The following SPEG variants were observed in gnomAD, a reference collection of about 807,000 sequenced individuals.
SPEG encodes striated muscle enriched protein kinase, also known as striated muscle preferentially expressed protein kinase.
Under a neutral mutation model 300.4 loss-of-function variants are expected in SPEG, and 114 were observed. The ratio of observed to expected loss-of-function variants is 0.38; its 90% CI spans 0.33 to 0.44. The LOEUF is 0.44. SPEG is among the 20% of genes least tolerant of loss of function. The pLI is 1.00. For missense variants in SPEG, 4,201 were observed against 4,586.2 expected, an observed-to-expected ratio of 0.92 and a Z score of 2.43; for synonymous variants, 1,964 against 2,018.9, an observed-to-expected ratio of 0.97 and a Z score of 0.73.
chr2:219,473,379 C>A lies in SPEG; in HGVS notation c.4148-125C>A. 9.9e-7 allele frequency: 1 copy of A among 1,012,684 alleles called. No individual in the cohort carries two copies. The highest frequency in any genetic ancestry group is 1.5e-6 in the Non-Finnish European group (1 of 675,406). 62.7% of individuals were successfully genotyped at this position (1,012,684 alleles called of 1,614,324 possible). ...TCCCCTGACAAATCGCTAAACCTCT[C>A]TGAGCTTCAGCTTTCCCATCTGTAA... On this transcript the variant is annotated intron_variant, in intron 16 of 40. Coordinates refer to ENST00000312358, the MANE Select transcript of SPEG (RefSeq NM_005876.5). The surrounding 1 kb of genome is among the most constrained non-coding windows in gnomAD (Gnocchi z 4.6).
intron 9 of SPEG, chr2:219,465,968 C>T (rs79735608): frequency 6.7e-5 from 76 of 1,131,286 alleles, no homozygotes; most frequent in East Asian, 2.0e-4. Context: ...CGTGTGCATG[C>T]GTGTGTGTGC....
Position 219,473,589 on chromosome 2 carries a change from CA to C in SPEG, c.4234del (p.Thr1412HisfsTer19). On this transcript the variant is annotated frameshift_variant, in exon 17 of 41. Coordinates refer to ENST00000312358, the MANE Select transcript of SPEG (RefSeq NM_005876.5). LOFTEE classifies it high-confidence loss of function. The surrounding 1 kb of genome is among the most constrained non-coding windows in gnomAD (Gnocchi z 4.6). ...VEGQPASVTVTFNHVEAQVVW... is the reference protein window; with the variant it reads ...VEGQPASVTVXFNHVEAQVVW... ...AGGGACAGCCTGCCAGCGTCACCGTCACATTCAACCATGTGGAGGCCCAGGT... is the reference window on the plus strand; with the variant it reads ...AGGGACAGCCTGCCAGCGTCACCGTCCATTCAACCATGTGGAGGCCCAGGT... 1 of 1,614,232 alleles carries C rather than the reference CA, an allele frequency of 6.2e-7. No individual in the cohort carries two copies. The highest frequency in any genetic ancestry group is 8.5e-7 in the Non-Finnish European group (1 of 1,180,044).
intron 3 of SPEG, among the ~76,000 whole-genome samples, chr2:219,446,531 C>T (rs1448737960): frequency 1.3e-5 from 2 of 152,162 alleles, no homozygotes; most frequent in Admixed American, 1.3e-4. Context: ...TTGCCACCAC[C>T]CCTTTTAGCC....
At chr2:219,467,688 A>T (rs1691498931) in intron 10 of SPEG, among the ~76,000 whole-genome samples, 1 of 152,266 alleles carries the variant, frequency 6.6e-6, no homozygotes, top group Non-Finnish European at 1.5e-5. Flanking sequence ...GTGGGTTCCC[A>T]CGCCTGCCCT....
Position 219,443,378 on chromosome 2 carries a change from G to A in SPEG, c.389-1275G>A. 1 of 587,434 alleles carries A rather than the reference G, an allele frequency of 1.7e-6. No individual in the cohort carries two copies. The highest frequency in any genetic ancestry group is 2.8e-5 in the Admixed American group (1 of 35,840). The allele number at this position is 587,434 out of a possible 1,614,324, so 36.4% of individuals were successfully genotyped here. A position where few individuals can be genotyped will look rare whatever the true frequency, so the allele number is the denominator to read the frequency against. On this transcript the variant is annotated intron_variant, in intron 1 of 40. Coordinates refer to ENST00000312358, the MANE Select transcript of SPEG (RefSeq NM_005876.5). The surrounding 1 kb of genome is among the most constrained non-coding windows in gnomAD (Gnocchi z 4.6). ...TCACTAGCACACCCCTGCATGGACT[G>A]GGTGCCCTGTTCTCCATGTGAGGCC...
Position 219,464,384 on chromosome 2 carries a change from G to A in SPEG, c.2706-49G>A, listed in dbSNP as rs77940939. The A allele has an allele frequency of 1.0e-2, 15,543 of 1,558,704 alleles. 128 individuals are homozygous for A. Among genetic ancestry groups the A allele is most frequent in the South Asian group, 0.021 (1,792 of 85,462 alleles). The stretch of plus-strand genomic sequence containing the variant: ...TGCTGCAGCCCCAGTTCCTGTGCAC[G>A]CACATCAGGCCCCTGGGCCCTGGGA... On this transcript the variant is annotated intron_variant, in intron 8 of 40. Transcript: ENST00000312358. The surrounding 1 kb of genome is among the most constrained non-coding windows in gnomAD (Gnocchi z 4.5).
chr2:219,489,368 G>A lies in SPEG; in HGVS notation c.8350G>A (p.Glu2784Lys), dbSNP rs776716559. The change falls in exon 36 of 41, where the codon GAG becomes AAG. Residue 2784 changes from glutamate (E) to lysine (K), a missense_variant. Coordinates refer to ENST00000312358, the MANE Select transcript of SPEG (RefSeq NM_005876.5). Reference protein sequence around the residue: ...SSAVPSAAHQEAPVTSRPARA... With the variant: ...SSAVPSAAHQKAPVTSRPARA... ...AGCTGTGCCATCTGCTGCCCACCAA[G>A]AGGCCCCTGTCACCTCAAGGCCAGC... is the stretch of plus-strand genomic sequence containing the variant. 41 of 1,613,364 alleles carry A rather than the reference G, an allele frequency of 2.5e-5. No individual in the cohort carries two copies. The highest frequency in any genetic ancestry group is 2.9e-5 in the Non-Finnish European group (34 of 1,179,862).
At position 219,477,216 on chromosome 2, in the gene SPEG, C is replaced by CGGGGCCTGGGACAGCGGCT; in HGVS notation, c.4561-61_4561-60insGGGGCCTGGGACAGCGGCT. ...GCGCTGCCCAGAGTAGGAGATGAGG[C>CGGGGCCTGGGACAGCGGCT]CCTGGCCCCAAGGTAGAGATGAGGC... is the stretch of plus-strand genomic sequence containing the variant. On this transcript the variant is annotated intron_variant, in intron 19 of 40. Coordinates refer to ENST00000312358, the MANE Select transcript of SPEG (RefSeq NM_005876.5). This position sits in a 1 kb window ranked among gnomAD's most constrained non-coding sequence, Gnocchi z 6.4. The CGGGGCCTGGGACAGCGGCT allele has an allele frequency of 6.8e-7, 1 of 1,467,326 alleles. No individual in the cohort carries two copies. Among genetic ancestry groups the CGGGGCCTGGGACAGCGGCT allele is most frequent in the Non-Finnish European group, 9.2e-7 (1 of 1,088,648 alleles). The allele number at this position is 1,467,326 out of a possible 1,614,324, so 90.9% of individuals were successfully genotyped here. A position where few individuals can be genotyped will look rare whatever the true frequency, so the allele number is the denominator to read the frequency against.
At position 219,492,158 on chromosome 2, in the gene SPEG, A is replaced by C. The variant is rs1289152850; in HGVS notation, c.9509A>C (p.Glu3170Ala). The part of the protein sequence containing the change: ...PFYEPDPQET[E>A]ARIVGGRFDA... Reference sequence around the variant, plus strand: ...TATGAGCCAGACCCCCAGGAAACGGAGGCTCGGATTGTGGGGGGCCGCTTT... The same window carrying C: ...TATGAGCCAGACCCCCAGGAAACGGCGGCTCGGATTGTGGGGGGCCGCTTT... The change falls in exon 40 of 41, where the codon GAG (glutamate) becomes GCG (alanine). Residue 3170 changes from glutamate to alanine, a missense_variant. By Grantham distance (107) the Glu-to-Ala change is moderately radical (BLOSUM62 -1). This residue lies in a region of SPEG where 318 missense variants were observed against 429.5 expected (regional missense o/e 0.74). Transcript: ENST00000312358. 1 of 1,613,592 alleles carries C rather than the reference A, an allele frequency of 6.2e-7. No individual in the cohort carries two copies. Among genetic ancestry groups the C allele is most frequent in the Non-Finnish European group, 8.5e-7 (1 of 1,179,874 alleles).
chr2:219,447,432 C>T (rs1689387672), intron 3 of SPEG, among the ~76,000 whole-genome samples: 2 of 152,130 alleles, frequency 1.3e-5, no homozygotes, highest in South Asian at 4.1e-4. Context: ...AGGGATGGGG[C>T]ACTGCCCCCC....
chr2:219,473,118 G>A lies in SPEG; in HGVS notation c.4147+22G>A, dbSNP rs761718958. On this transcript the variant is annotated intron_variant, in intron 16 of 40. Coordinates refer to ENST00000312358, the MANE Select transcript of SPEG (RefSeq NM_005876.5). The surrounding 1 kb of genome is among the most constrained non-coding windows in gnomAD (Gnocchi z 4.6). ...CACGGTGAGCCTGGGTGCTCCTGTC[G>A]GGTGGGGGTGGGAGCTGCTGGGATG... 12 of 1,605,674 alleles carry A rather than the reference G, an allele frequency of 7.5e-6. No individual in the cohort carries two copies. The highest frequency in any genetic ancestry group is 2.2e-5 in the East Asian group (1 of 44,668).
At chr2:219,482,697 C>T (rs558422569) in intron 28 of SPEG, 87 bp from the exon 29 acceptor site, 142 of 1,197,654 alleles carry the variant, frequency 1.2e-4, no homozygotes, top group African/African-American at 8.5e-4. Context: ...CCTGCCACCC[C>T]GCCCCATGGA....
Position 219,435,237 on chromosome 2 carries a change from C to A in SPEG, c.260C>A (p.Ala87Asp). 6.8e-7 allele frequency: 1 copy of A among 1,476,206 alleles called. No individual in the cohort carries two copies. Among genetic ancestry groups the A allele is most frequent in the Non-Finnish European group, 8.9e-7 (1 of 1,123,836 alleles). 91.4% of individuals were successfully genotyped at this position (1,476,206 alleles called of 1,614,324 possible). ...FRDGQLLPAP[A>D]PEPSCLWLRR... ...GATGGGCAGCTCCTGCCCGCGCCGG[C>A]CCCCGAGCCCAGCTGCCTGTGGCTG... is the stretch of plus-strand genomic sequence containing the variant. The change falls in exon 1 of 41, where the codon GCC (alanine) becomes GAC (aspartate). Residue 87 changes from alanine to aspartate, a missense_variant. Ala to Asp is a moderately radical substitution (Grantham distance 126, BLOSUM62 -2). Around this residue, in one of 4 missense-constraint regions of SPEG, gnomAD observed 1,258 missense variants for 1,293.9 expected, o/e 0.97. Transcript: ENST00000312358.
At chr2:219,454,069 C>G (rs372935182) in intron 6 of SPEG, among the ~76,000 whole-genome samples, 4 of 152,332 alleles carry the variant, frequency 2.6e-5, no homozygotes, top group African/African-American at 9.6e-5. Context: ...TCCCCTCCCC[C>G]TCTTGCTCTT....
At chr2:219,442,190 C>A in intron 1 of SPEG, 1 of 707,946 alleles carries the variant, frequency 1.4e-6, no homozygotes, top group Non-Finnish European at 1.9e-6. Context: ...GGCGCTGGAT[C>A]GGCGCCTGCC....
rs1423025840 is a variant in SPEG, at chr2:219,488,257, C to T, written c.7805C>T (p.Thr2602Ile). 1 of 1,613,378 alleles carries T rather than the reference C, an allele frequency of 6.2e-7. No individual in the cohort carries two copies. Among genetic ancestry groups the T allele is most frequent in the Non-Finnish European group, 8.5e-7 (1 of 1,179,828 alleles). ...DQVLLEGEAA[T>I]LLCLPAACPA... ...GTGCTGCTGGAGGGGGAGGCAGCCA[C>T]CCTGCTCTGCCTGCCAGCGGCCTGC... Residue 2602 changes from threonine (T) to isoleucine (I), a missense_variant, in exon 32 of 41, where the codon ACC becomes ATC. By Grantham distance (89) the Thr-to-Ile change is moderately conservative (BLOSUM62 -1). Transcript: ENST00000312358.
At chr2:219,468,189 T>A (rs1691549491) in intron 10 of SPEG, among the ~76,000 whole-genome samples, 1 of 151,986 alleles carries the variant, frequency 6.6e-6, no homozygotes, top group South Asian at 2.1e-4. Flanking sequence ...AGCATGGGCA[T>A]GACCCCAGCA....
In SPEG at chr2:219,479,526, CCTGCCACGTCAGGCTGTACATGTTGTGCA is replaced by C. The variant is rs1445352237; in HGVS notation, c.5086-252_5086-224del. ...TAGATTTTATTGATCTCACTGCAGT[CCTGCCACGTCAGGCTGTACATGTTGTGCA>C]CTGCACAATTCTACTTATTACCACG... On this transcript the variant is annotated intron_variant, in intron 23 of 40. Coordinates refer to ENST00000312358, the MANE Select transcript of SPEG (RefSeq NM_005876.5). The surrounding 1 kb of genome is among the most constrained non-coding windows in gnomAD (Gnocchi z 5.5). Among the ~76,000 whole-genome samples, 1 of 152,220 alleles carries C rather than the reference CCTGCCACGTCAGGCTGTACATGTTGTGCA, an allele frequency of 6.6e-6. No homozygotes were observed. The highest frequency in any genetic ancestry group is 2.4e-5 in the African/African-American group (1 of 41,448).
chr2:219,468,949 AG>A lies in SPEG; in HGVS notation c.3396del (p.Leu1133SerfsTer21), dbSNP rs1403319849. 6.2e-7 allele frequency: 1 copy of A among 1,613,826 alleles called. No individual in the cohort carries two copies. Among genetic ancestry groups the A allele is most frequent in the African/African-American group, 1.3e-5 (1 of 74,914 alleles). On this transcript the variant is annotated frameshift_variant, in exon 12 of 41. Coordinates refer to ENST00000312358, the MANE Select transcript of SPEG (RefSeq NM_005876.5). LOFTEE classifies it high-confidence loss of function. ...LHIAHVGSED[E>X]GLYAVSAVNT... ...ATTGCCCATGTGGGCAGCGAGGACGAGGGGCTCTATGCGGTCAGTGCTGTTA... is the reference window on the plus strand; with the variant it reads ...ATTGCCCATGTGGGCAGCGAGGACGAGGGCTCTATGCGGTCAGTGCTGTTA...
Sources: allele counts gnomAD v4.1 joint callset (sites outside exome capture counted in the v4.1 genomes callset), GRCh38; gene constraint gnomAD v4.1.1; regional missense constraint gnomAD v4.1.1; non-coding constraint Gnocchi (gnomAD v3.1); transcripts MANE v1.5; gene names NCBI Gene and HGNC (gene_info 2026-07-23, HGNC 2026-07-21).